Variants in METTL2B observed in about 807,000 individuals in gnomAD.
The protein encoded by METTL2B is tRNA N(3)-cytidine methyltransferase METTL2B.
A neutral mutation model predicts 51.0 loss-of-function variants in METTL2B; 28 were observed. The observed-to-expected ratio is 0.55, with a 90% CI of 0.41 to 0.75. The LOEUF (loss-of-function observed/expected upper bound fraction) is 0.75, where lower values mean the gene tolerates loss of function less well. Among genes scored for constraint, METTL2B ranks in the 30% least tolerant of loss-of-function variants. The pLI, the probability that METTL2B is intolerant of heterozygous loss-of-function variation, is 0.00. For missense variants in METTL2B, 313 were observed against 460.7 expected (o/e 0.68, Z 2.93); for synonymous variants, 128 against 166.3 (o/e 0.77, Z 1.77).
chr7:128,492,504 A>T (rs868014119), intron 5 of METTL2B, among the ~76,000 whole-genome samples: 28 of 142,744 alleles, frequency 2.0e-4, no homozygotes, highest in African/African-American at 7.1e-4. Flanking sequence ...CTGGTCTCAA[A>T]CTCCTGGGCT....
chr7:128,506,075 C>T lies in METTL2B; in HGVS notation c.*4159C>T, dbSNP rs1448790912. 1 of 152,126 alleles carries T rather than the reference C, an allele frequency of 6.6e-6. No homozygotes were observed. The highest frequency in any genetic ancestry group is 1.5e-5 in the Non-Finnish European group (1 of 68,046). 9.4% of individuals were successfully genotyped at this position (152,126 alleles called of 1,614,324 possible). On this transcript the variant is annotated 3_prime_UTR_variant, in exon 9 of 9. Transcript: ENST00000262432. ...TCCTGAGCTCAAGCAATCCTCCCAC[C>T]TCGGCCTCCCAAAGTGCTGGGATGA...
chr7:128,496,856 C>T (rs945208748), intron 6 of METTL2B, among the ~76,000 whole-genome samples: 1 of 152,084 alleles, frequency 6.6e-6, no homozygotes, highest in African/African-American at 2.4e-5. Context: ...TCTTGGCTTA[C>T]TGCAATCTCT....
chr7:128,484,571 T>C (rs1792664834), intron 4 of METTL2B, among the ~76,000 whole-genome samples: 1 of 152,032 alleles, frequency 6.6e-6, no homozygotes, highest in South Asian at 2.1e-4. Flanking sequence ...CAGTGGTTTT[T>C]TTGTTTGGTT....
intron 3 of METTL2B, 97 bp from the exon 4 acceptor site, chr7:128,480,550 G>A (rs1799860669): frequency 1.3e-6 from 2 of 1,585,134 alleles, no homozygotes; most frequent in Middle Eastern, 1.7e-4. Flanking sequence ...AATACAGTTA[G>A]GCCAGATTCT....
At position 128,493,931 on chromosome 7, in the gene METTL2B, T is replaced by G; in HGVS notation, c.797T>G (p.Val266Gly). ...IIILIFVLSA[V>G]VPDKMQKAIN... is the part of the protein sequence containing the mutation. ...ATTCTCATATTTGTTCTTTCAGCAG[T>G]TGTTCCAGACAAGTAAGTTTGGGTC... Residue 266 changes from valine to glycine, a missense_variant, in exon 6 of 9, where the codon GTT (valine) becomes GGT (glycine). This residue lies in a region of METTL2B where 138 missense variants were observed against 187.6 expected (regional missense o/e 0.74). Coordinates refer to ENST00000262432, the MANE Select transcript of METTL2B (RefSeq NM_018396.3). 1 of 1,596,180 alleles carries G rather than the reference T, an allele frequency of 6.3e-7. No individual in the cohort carries two copies. Among genetic ancestry groups the G allele is most frequent in the Non-Finnish European group, 8.5e-7 (1 of 1,174,204 alleles).
At position 128,500,900 on chromosome 7, in the gene METTL2B, C is replaced by T. The variant is rs1793016518; in HGVS notation, c.917-3C>T. ...CTCTGATTTTTAATACATCACTCTG[C>T]AGGTCAGTGTCTATCTGGAAATTTC... On this transcript the variant is annotated splice_region_variant and splice_polypyrimidine_tract_variant and intron_variant, in intron 7 of 8. Coordinates refer to ENST00000262432, the MANE Select transcript of METTL2B (RefSeq NM_018396.3). The T allele has an allele frequency of 1.2e-6, 2 of 1,613,792 alleles. No individual in the cohort carries two copies. Among genetic ancestry groups the T allele is most frequent in the Admixed American group, 1.7e-5 (1 of 59,970 alleles).
Position 128,502,392 on chromosome 7 carries a change from G to T in METTL2B, c.*476G>T, listed in dbSNP as rs1220459931. 7 of 289,522 alleles carry T rather than the reference G, an allele frequency of 2.4e-5. No individual in the cohort carries two copies. The East Asian group carries it at 3.7e-4, about 15-fold the overall frequency. 17.9% of individuals were successfully genotyped at this position (289,522 alleles called of 1,614,324 possible). A position where few individuals can be genotyped will look rare whatever the true frequency, so the allele number is the denominator to read the frequency against. On this transcript the variant is annotated 3_prime_UTR_variant, in exon 9 of 9. Transcript: ENST00000262432. Reference sequence around the variant, plus strand: ...GTGTTATATATGACAAGTGTTTTTTGATTGTAATTGCGTTAAATCTTTTGA... The same window carrying T: ...GTGTTATATATGACAAGTGTTTTTTTATTGTAATTGCGTTAAATCTTTTGA...
chr7:128,476,910 G>T (rs199984837), intron 1 of METTL2B, 35 bp downstream of exon 1: 1 of 1,607,596 alleles, frequency 6.2e-7, no homozygotes, highest in Non-Finnish European at 8.5e-7. Context: ...GCCTGTCGCT[G>T]GCCGTCTGTC....
chr7:128,484,232 T>TTTTTTTTTTTTTTTTTTTTTTTTG lies in METTL2B; in HGVS notation c.608+3549_608+3550insTTTTTTTTTTGTTTTTTTTTTTTT, dbSNP rs1563027693. ...TGCCTAGATCCTTTTTTTTTTTTTT[T>TTTTTTTTTTTTTTTTTTTTTTTTG]TTTTTTTTTTTTTGAGACAGGATTT... On this transcript the variant is annotated intron_variant, in intron 4 of 8. Coordinates refer to ENST00000262432, the MANE Select transcript of METTL2B (RefSeq NM_018396.3). The TTTTTTTTTTTTTTTTTTTTTTTTG allele has an allele frequency of 2.2e-4, 18 of 83,566 alleles. 1 individual carries two copies. The highest frequency in any genetic ancestry group is 2.5e-4 in the African/African-American group (5 of 20,098). The allele number at this position is 83,566 out of a possible 1,614,324, so 5.2% of individuals were successfully genotyped here. A position where few individuals can be genotyped will look rare whatever the true frequency, so the allele number is the denominator to read the frequency against.
Position 128,480,647 on chromosome 7 carries a change from G to A in METTL2B, c.559G>A (p.Val187Ile), listed in dbSNP as rs748694427. Residue 187 changes from valine to isoleucine, a missense_variant and splice_region_variant, in exon 4 of 9, where the codon GTT becomes ATT. This residue lies in a region of METTL2B where 42 missense variants were observed against 113.4 expected (regional missense o/e 0.37). Coordinates refer to ENST00000262432, the MANE Select transcript of METTL2B (RefSeq NM_018396.3). ...ATTAATAGTTCATTTCTGTCTGCAGGTTGGCTGTGGTGTGGGAAACACAGT... is the reference window on the plus strand; with the variant it reads ...ATTAATAGTTCATTTCTGTCTGCAGATTGGCTGTGGTGTGGGAAACACAGT... ...GSSATYRILEVGCGVGNTVFP... is the reference protein window; with the variant it reads ...GSSATYRILEIGCGVGNTVFP... 15 of 1,604,084 alleles carry A rather than the reference G, an allele frequency of 9.4e-6. No individual in the cohort carries two copies. The highest frequency in any genetic ancestry group is 2.2e-5 in the East Asian group (1 of 44,860).
At chr7:128,484,457 T>A (rs1475392531) in intron 4 of METTL2B, among the ~76,000 whole-genome samples, 2 of 151,912 alleles carry the variant, frequency 1.3e-5, no homozygotes, top group Admixed American at 6.6e-5. Context: ...AATATTTTTT[T>A]AATGTATCTG....
chr7:128,504,349 A>AATTT lies in METTL2B; in HGVS notation c.*2433_*2434insATTT. Reference sequence around the variant, plus strand: ...GGCTGGGTAATGTAGCAAGACCCTGACTTTTTTTTTTTTTTTTTTTGAGAT... The same window carrying AATTT: ...GGCTGGGTAATGTAGCAAGACCCTGAATTTCTTTTTTTTTTTTTTTTTTTGAGAT... On this transcript the variant is annotated 3_prime_UTR_variant, in exon 9 of 9. Transcript: ENST00000262432. 1.4e-5 allele frequency: 1 copy of AATTT among 71,594 alleles called. No individual in the cohort carries two copies. The highest frequency in any genetic ancestry group is 5.3e-5 in the African/African-American group (1 of 18,802). The allele number at this position is 71,594 out of a possible 1,614,324, so 4.4% of individuals were successfully genotyped here.
chr7:128,485,788 G>T (rs1792691745), intron 4 of METTL2B, among the ~76,000 whole-genome samples: 3 of 152,232 alleles, frequency 2.0e-5, no homozygotes, highest in East Asian at 3.9e-4. Context: ...CTGTACTCCA[G>T]GTGACAGAGC....
In METTL2B at chr7:128,503,274, T is replaced by C. The variant is rs1490568313; in HGVS notation, c.*1358T>C. ...CAGCCTGGGCAACAGAGGAAGACTC[T>C]GTCTCAAAAAAATAAAAGAAAAGAA... On this transcript the variant is annotated 3_prime_UTR_variant, in exon 9 of 9. Coordinates refer to ENST00000262432, the MANE Select transcript of METTL2B (RefSeq NM_018396.3). 6.6e-6 allele frequency: 1 copy of C among 151,974 alleles called. No homozygotes were observed. Among genetic ancestry groups the C allele is most frequent in the Non-Finnish European group, 1.5e-5 (1 of 68,046 alleles). 9.4% of individuals were successfully genotyped at this position (151,974 alleles called of 1,614,324 possible).
At chr7:128,494,621 C>T (rs1435063193) in intron 6 of METTL2B, among the ~76,000 whole-genome samples, 1 of 151,946 alleles carries the variant, frequency 6.6e-6, no homozygotes, top group African/African-American at 2.4e-5. Flanking sequence ...CATTATTGGC[C>T]TTTCATTTTA....
At chr7:128,486,209 G>T (rs118081313) in intron 4 of METTL2B, among the ~76,000 whole-genome samples, 5,471 of 151,790 alleles carry the variant, frequency 0.036, 235 homozygotes, top group East Asian at 0.22. Context: ...CAGGAAAATG[G>T]CTTGGACCCA....
chr7:128,501,676 A>C, intron 8 of METTL2B, 86 bp from the exon 9 acceptor site: 1 of 1,550,912 alleles, frequency 6.4e-7, no homozygotes, highest in Non-Finnish European at 8.7e-7. Context: ...GCAACTTCCC[A>C]GAGCCCCATT....
Position 128,477,193 on chromosome 7 carries a change from C to T in METTL2B, c.202+20C>T. 1 of 1,613,730 alleles carries T rather than the reference C, an allele frequency of 6.2e-7. No individual in the cohort carries two copies. The highest frequency in any genetic ancestry group is 1.1e-5 in the South Asian group (1 of 91,008). On this transcript the variant is annotated intron_variant, in intron 2 of 8. Coordinates refer to ENST00000262432, the MANE Select transcript of METTL2B (RefSeq NM_018396.3). ...AACAAGGTGCGCTTAAATGGGCTCT[C>T]GTTGGTATCAACAGCCAGCGTACTG...
At chr7:128,478,869 G>GA (rs914136889) in intron 2 of METTL2B, among the ~76,000 whole-genome samples, 1 of 151,506 alleles carries the variant, frequency 6.6e-6, no homozygotes, top group Admixed American at 6.6e-5. Flanking sequence ...GTCTCAAAAA[G>GA]AAAAAAAAGT....
Sources: gnomAD v4.1 joint callset for allele counts (sites outside exome capture counted in the v4.1 genomes callset) on GRCh38, gnomAD v4.1.1 for gene constraint, gnomAD v4.1.1 regional missense constraint, MANE v1.5 for transcripts, NCBI Gene and HGNC (gene_info 2026-07-23, HGNC 2026-07-21) for gene names.